Variants in RBM38 observed in about 807,000 individuals in gnomAD.
The protein encoded by RBM38 is RNA-binding protein 38.
A neutral mutation model predicts 23.5 loss-of-function variants in RBM38; 11 were observed. The ratio of observed to expected loss-of-function variants is 0.47; its 90% confidence interval spans 0.29 to 0.77. The LOEUF (loss-of-function observed/expected upper bound fraction) is 0.77. RBM38 is among the 30% of genes least tolerant of loss of function. The pLI is 0.08. For missense variants in RBM38, 330 were observed against 351.9 expected (o/e 0.94, Z 0.50); for synonymous variants, 165 against 166.1 (o/e 0.99, Z 0.05).
rs191532153 is a variant in RBM38, at chr20:57,406,616, C to G, written c.417-927C>G. Among the ~76,000 whole-genome samples the G allele has an allele frequency of 5.0e-4, 76 of 152,282 alleles. No homozygotes were observed. The East Asian group carries it at 0.013, about 26-fold the overall frequency. On this transcript the variant is annotated intron_variant, in intron 3 of 3. Coordinates refer to ENST00000356208, the MANE Select transcript of RBM38 (RefSeq NM_017495.6). ...TCTCTGTGGTCACCGCCATTGCACT[C>G]CTTTGCTCCAGCATTCACGCAGTCA...
At chr20:57,402,308 G>A (rs1468559719) in intron 3 of RBM38, among the ~76,000 whole-genome samples, 2 of 152,210 alleles carry the variant, frequency 1.3e-5, no homozygotes, top group Non-Finnish European at 2.9e-5. Context: ...CCACCACCAA[G>A]GCAGGGCCAC....
At chr20:57,405,230 G>A (rs2146218911) in intron 3 of RBM38, among the ~76,000 whole-genome samples, 1 of 152,326 alleles carries the variant, frequency 6.6e-6, no homozygotes, top group Non-Finnish European at 1.5e-5. Flanking sequence ...GTGCATTTTG[G>A]TGCCTCTCCC....
chr20:57,392,721 G>T lies in RBM38; in HGVS notation c.305G>T (p.Arg102Leu). 6.2e-7 allele frequency: 1 copy of T among 1,612,958 alleles called. No individual in the cohort carries two copies. The highest frequency in any genetic ancestry group is 2.2e-5 in the East Asian group (1 of 44,884). The change falls in exon 2 of 4, where the codon CGC (arginine) becomes CTC (leucine). Residue 102 changes from arginine to leucine, a missense_variant. Physicochemically the swap from Arg to Leu is moderately radical, Grantham distance 102. This residue lies in a region of RBM38 where 227 missense variants were observed against 216.4 expected (regional missense o/e 1.05). Transcript: ENST00000356208. The stretch of plus-strand genomic sequence containing the variant: ...GACCCGAACCCCATCATCGACGGCC[G>T]CAAGGCCAACGTGAACCTGGCATAT... The part of the protein sequence containing the change: ...CKDPNPIIDG[R>L]KANVNLAYLG...
At chr20:57,402,649 A>T (rs1159556701) in intron 3 of RBM38, among the ~76,000 whole-genome samples, 1 of 152,188 alleles carries the variant, frequency 6.6e-6, no homozygotes, top group African/African-American at 2.4e-5. Context: ...GTGAGTGGGG[A>T]TGCTGAGGAA....
chr20:57,392,922 TC>T (rs1052116365), intron 2 of RBM38, 145 bp downstream of exon 2: 50 of 1,123,478 alleles, frequency 4.5e-5, no homozygotes, highest in Middle Eastern at 2.2e-4. Flanking sequence ...AGGGCAGCCA[TC>T]CCCCCCTCGA....
chr20:57,392,349 C>G lies in RBM38; in HGVS notation c.238-305C>G, dbSNP rs1034573275. The G allele has an allele frequency of 2.0e-5, 26 of 1,328,794 alleles. No individual in the cohort carries two copies. The African/African-American group carries it at 3.5e-4, about 18-fold the overall frequency. The allele number at this position is 1,328,794 out of a possible 1,614,324, so 82.3% of individuals were successfully genotyped here. A position where few individuals can be genotyped will look rare whatever the true frequency, so the allele number is the denominator to read the frequency against. On this transcript the variant is annotated intron_variant, in intron 1 of 3. Coordinates refer to ENST00000356208, the MANE Select transcript of RBM38 (RefSeq NM_017495.6). ...GCCCTCACTGGTGGGCAAGTCCAGG[C>G]GGCCCCCCAAGCTCCCTTCGGGGTT...
chr20:57,401,248 C>T (rs771892071), intron 3 of RBM38, among the ~76,000 whole-genome samples: 1 of 152,224 alleles, frequency 6.6e-6, no homozygotes, highest in Non-Finnish European at 1.5e-5. Context: ...AATAGATCCT[C>T]ACAGCAGCCC....
intron 3 of RBM38, among the ~76,000 whole-genome samples, chr20:57,395,679 C>CT (rs2067266988): frequency 6.6e-6 from 1 of 152,160 alleles, no homozygotes; most frequent in African/African-American, 2.4e-5. Flanking sequence ...TAGGGGGAGG[C>CT]TCCCGGGTGC....
At chr20:57,393,210 C>T (rs1397795788) in intron 2 of RBM38, 69 bp from the exon 3 acceptor site, 1 of 1,457,360 alleles carries the variant, frequency 6.9e-7, no homozygotes, top group Non-Finnish European at 9.6e-7. Flanking sequence ...GATTCTGCCA[C>T]CCTGTGTGCA....
intron 3 of RBM38, among the ~76,000 whole-genome samples, chr20:57,394,355 AGGTGAATG>A (rs1439391654): frequency 1.2e-5 from 1 of 83,266 alleles, no homozygotes; most frequent in African/African-American, 3.3e-5. Flanking sequence ...CCTGGCTCCC[AGGTGAATG>A]GGTCAGAGGC....
At chr20:57,405,306 A>G (rs6025538) in intron 3 of RBM38, among the ~76,000 whole-genome samples, 4,935 of 152,256 alleles carry the variant, frequency 0.032, 247 homozygotes, top group African/African-American at 0.11. Context: ...ATCCTGGCAG[A>G]TATGTGAGAA....
At chr20:57,395,037 G>T (rs936928816) in intron 3 of RBM38, among the ~76,000 whole-genome samples, 20 of 152,214 alleles carry the variant, frequency 1.3e-4, no homozygotes, top group Non-Finnish European at 2.5e-4. Context: ...CTTGGCAGTG[G>T]CATCCTCATC....
chr20:57,397,399 T>A (rs2146207660), intron 3 of RBM38, among the ~76,000 whole-genome samples: 1 of 152,348 alleles, frequency 6.6e-6, no homozygotes, highest in South Asian at 2.1e-4. Flanking sequence ...TCTGGCTAGA[T>A]GGCAGCTCTT....
intron 3 of RBM38, among the ~76,000 whole-genome samples, chr20:57,401,596 C>G (rs1011906115): frequency 2.6e-5 from 4 of 152,226 alleles, no homozygotes; most frequent in Non-Finnish European, 5.9e-5. Context: ...AGCTGAGACC[C>G]TGCTCTTGTG....
intron 3 of RBM38, among the ~76,000 whole-genome samples, chr20:57,396,479 G>T (rs924644969): frequency 2.0e-5 from 3 of 152,206 alleles, no homozygotes; most frequent in African/African-American, 7.2e-5. Context: ...TGGGCTGAGG[G>T]CACCGGGAGC....
intron 3 of RBM38, among the ~76,000 whole-genome samples, chr20:57,397,767 C>G (rs542078659): frequency 6.6e-6 from 1 of 152,332 alleles, no homozygotes; most frequent in South Asian, 2.1e-4. Context: ...TGCTGTATGC[C>G]AGACCTGGTG....
intron 3 of RBM38, chr20:57,399,854 C>T (rs1046488205): frequency 9.6e-5 from 44 of 456,002 alleles, no homozygotes; most frequent in South Asian, 3.4e-4. Flanking sequence ...CCGTCTCTGC[C>T]GAGGTGGGGC....
rs955848106 is a variant in RBM38, at chr20:57,408,018, G to A, written c.*172G>A. 8 of 723,872 alleles carry A rather than the reference G, an allele frequency of 1.1e-5. No homozygotes were observed. Among genetic ancestry groups the A allele is most frequent in the African/African-American group, 5.3e-5 (3 of 56,106 alleles). The allele number at this position is 723,872 out of a possible 1,614,324, so 44.8% of individuals were successfully genotyped here. On this transcript the variant is annotated 3_prime_UTR_variant, in exon 4 of 4. Coordinates refer to ENST00000356208, the MANE Select transcript of RBM38 (RefSeq NM_017495.6). ...CTGCGCCCTGGGACAGCGGAGAGAC[G>A]GCTTCTCTTTAATCTAGGTCCCATT...
At chr20:57,402,222 G>A (rs1372954056) in intron 3 of RBM38, among the ~76,000 whole-genome samples, 2 of 152,234 alleles carry the variant, frequency 1.3e-5, no homozygotes, top group Non-Finnish European at 2.9e-5. Context: ...TGGGATTCCA[G>A]GCGTGGGTCT....
Sources: gnomAD v4.1 joint callset for allele counts (sites outside exome capture counted in the v4.1 genomes callset) on GRCh38, gnomAD v4.1.1 for gene constraint, gnomAD v4.1.1 regional missense constraint, MANE v1.5 for transcripts, NCBI Gene and HGNC (gene_info 2026-07-23, HGNC 2026-07-21) for gene names.